The following DCDC2C variants were observed in gnomAD, a reference collection of about 807,000 sequenced individuals.
DCDC2C encodes the protein doublecortin domain containing 2C, also known as doublecortin domain-containing protein 2C.
DCDC2C carries 44 observed loss-of-function variants against 45.0 expected under a neutral mutation model. That is an observed-to-expected ratio of 0.98 (90% confidence interval 0.77 to 1.26). The LOEUF is 1.26. Ranked by LOEUF, DCDC2C falls within the 50% of genes most tolerant of loss-of-function variation. The pLI is 0.00. For synonymous variants in DCDC2C, 187 were observed against 178.8 expected (o/e 1.05, Z -0.37); for missense variants, 447 against 468.9 (o/e 0.95, Z 0.43).
intron 10 of DCDC2C, among the ~76,000 whole-genome samples, chr2:3,808,861 T>C (rs1009811336): frequency 6.6e-6 from 1 of 152,224 alleles, no homozygotes. Flanking sequence ...CTGTTTTATT[T>C]TGGAAGTTTG....
At chr2:3,746,511 G>A (rs1406919237) in intron 4 of DCDC2C, among the ~76,000 whole-genome samples, 1 of 152,226 alleles carries the variant, frequency 6.6e-6, no homozygotes, top group Non-Finnish European at 1.5e-5. Flanking sequence ...CCGCCTGCTG[G>A]AAGGAAAAGG....
At chr2:3,810,506 T>C (rs1377979773) in intron 10 of DCDC2C, among the ~76,000 whole-genome samples, 1 of 152,254 alleles carries the variant, frequency 6.6e-6, no homozygotes, top group African/African-American at 2.4e-5. Flanking sequence ...ATGGGTAGAT[T>C]GCAAAAATTT....
chr2:3,732,993 A>G (rs142318438), intron 3 of DCDC2C, among the ~76,000 whole-genome samples: 1 of 152,196 alleles, frequency 6.6e-6, no homozygotes, highest in Non-Finnish European at 1.5e-5. Context: ...TGCTAGTGAA[A>G]TGTGATCTTT....
chr2:3,723,310 A>G (rs1192496654), intron 2 of DCDC2C, among the ~76,000 whole-genome samples: 1 of 152,192 alleles, frequency 6.6e-6, no homozygotes, highest in African/African-American at 2.4e-5. Flanking sequence ...GGCAGGATGA[A>G]GTGCTTGGAT....
chr2:3,765,842 G>A (rs1669997381), intron 6 of DCDC2C, among the ~76,000 whole-genome samples: 1 of 152,160 alleles, frequency 6.6e-6, no homozygotes, highest in South Asian at 2.1e-4. Context: ...GCAAGGGAAG[G>A]GACAGGGCAC....
At chr2:3,776,577 G>A (rs917530441) in intron 8 of DCDC2C, among the ~76,000 whole-genome samples, 4 of 152,080 alleles carry the variant, frequency 2.6e-5, no homozygotes, top group East Asian at 3.9e-4. Flanking sequence ...CCCTCTGGCC[G>A]CTCGTTGTCC....
At chr2:3,707,664 C>A (rs1473513266) in intron 1 of DCDC2C, among the ~76,000 whole-genome samples, 1 of 152,176 alleles carries the variant, frequency 6.6e-6, no homozygotes, top group African/African-American at 2.4e-5. Flanking sequence ...CTATCTGGAC[C>A]TGTGAGGCCC....
chr2:3,738,539 GGAAAAA>G (rs1367954322), intron 3 of DCDC2C, among the ~76,000 whole-genome samples: 6 of 55,248 alleles, frequency 1.1e-4, no homozygotes, highest in Admixed American at 2.6e-4. Flanking sequence ...GGTCTATCTG[GGAAAAA>G]AAAAAAAAAA....
chr2:3,776,401 A>G (rs1411702435), intron 8 of DCDC2C, among the ~76,000 whole-genome samples: 2 of 152,100 alleles, frequency 1.3e-5, no homozygotes, highest in Non-Finnish European at 2.9e-5. Flanking sequence ...CCATAGTGGC[A>G]AAAAACAGCT....
intron 3 of DCDC2C, among the ~76,000 whole-genome samples, chr2:3,733,546 A>AT (rs1179731498): frequency 2.0e-5 from 3 of 152,028 alleles, no homozygotes; most frequent in Non-Finnish European, 4.4e-5. Flanking sequence ...AACAGCAGAA[A>AT]TTTTTTGCCC....
At chr2:3,830,636 C>T (rs556129134) in intron 10 of DCDC2C, among the ~76,000 whole-genome samples, 13 of 152,240 alleles carry the variant, frequency 8.5e-5, no homozygotes, top group East Asian at 5.8e-4. Context: ...CCCGTAGTCG[C>T]GACCCCACTC....
intron 6 of DCDC2C, among the ~76,000 whole-genome samples, chr2:3,763,820 G>A (rs148969060): frequency 5.9e-4 from 90 of 152,234 alleles, no homozygotes; most frequent in African/African-American, 9.1e-4. Context: ...TTTCTGCTGC[G>A]TTCTCCGGGG....
At chr2:3,732,324 G>T (rs1400305231) in intron 3 of DCDC2C, among the ~76,000 whole-genome samples, 1 of 152,092 alleles carries the variant, frequency 6.6e-6, no homozygotes, top group African/African-American at 2.4e-5. Flanking sequence ...TGGGACAGTC[G>T]TCTGCCTCTG....
Position 3,799,886 on chromosome 2 carries a change from T to A in DCDC2C, c.1065+14786T>A, listed in dbSNP as rs186056077. On this transcript the variant is annotated intron_variant, in intron 10 of 10. Coordinates refer to ENST00000399143, the MANE Select transcript of DCDC2C (RefSeq NM_001287444.2). ...GCAGGCAGGCCTCCTTGAGCTGTGATGGGCTCCACCCAGTTCGAGCTTCCC... is the reference window on the plus strand; with the variant it reads ...GCAGGCAGGCCTCCTTGAGCTGTGAAGGGCTCCACCCAGTTCGAGCTTCCC... Among the ~76,000 whole-genome samples the A allele has an allele frequency of 6.0e-3, 913 of 152,384 alleles. 7 individuals are homozygous for A. Among genetic ancestry groups the A allele is most frequent in the African/African-American group, 0.021 (875 of 41,602 alleles).
At position 3,704,023 on chromosome 2, in the gene DCDC2C, GC is replaced by G; in HGVS notation, c.273del (p.Phe92SerfsTer9). The G allele has an allele frequency of 1.6e-6, 2 of 1,273,844 alleles. No homozygotes were observed. Among genetic ancestry groups the G allele is most frequent in the South Asian group, 5.1e-5 (2 of 39,128 alleles). 78.9% of individuals were successfully genotyped at this position (1,273,844 alleles called of 1,614,324 possible). A position where few individuals can be genotyped will look rare whatever the true frequency, so the allele number is the denominator to read the frequency against. On this transcript the variant is annotated frameshift_variant, in exon 1 of 11. Transcript: ENST00000399143. LOFTEE classifies it high-confidence loss of function. ...GGKYVAAGRE[R>X]FKELDYIHIV... ...AAGTACGTGGCGGCGGGCCGCGAGC[GC>G]TTCAAGGAGCTCGAGTAAGTGCGCC...
intron 10 of DCDC2C, among the ~76,000 whole-genome samples, chr2:3,794,700 C>A (rs548889899): frequency 1.2e-4 from 18 of 152,292 alleles, no homozygotes; most frequent in African/African-American, 4.3e-4. Flanking sequence ...TGAACTCATC[C>A]TTTTTTATGG....
chr2:3,724,145 C>CAGCTGCTGCTCAGAGAAGTGT (rs1668571386), intron 2 of DCDC2C, among the ~76,000 whole-genome samples: 1 of 152,212 alleles, frequency 6.6e-6, no homozygotes, highest in Admixed American at 6.5e-5. Context: ...AAAAATTAAT[C>CAGCTGCTGCTCAGAGAAGTGT]AGCTGCTGCT....
chr2:3,744,760 C>T (rs941147456), intron 4 of DCDC2C, among the ~76,000 whole-genome samples: 6 of 152,160 alleles, frequency 3.9e-5, no homozygotes, highest in South Asian at 2.1e-4. Context: ...TGTAAACTGT[C>T]GAGCCGTTTA....
chr2:3,822,078 A>G (rs1671700663), intron 10 of DCDC2C, among the ~76,000 whole-genome samples: 1 of 152,194 alleles, frequency 6.6e-6, no homozygotes, highest in Non-Finnish European at 1.5e-5. Context: ...GAATCAAATA[A>G]TGTGTCCCTT....
Sources: gnomAD v4.1 joint callset for allele counts (sites outside exome capture counted in the v4.1 genomes callset) on GRCh38, gnomAD v4.1.1 for gene constraint, MANE v1.5 for transcripts, NCBI Gene and HGNC (gene_info 2026-07-23, HGNC 2026-07-21) for gene names.